The following FBXO38 variants were observed in gnomAD, a reference collection of about 807,000 sequenced individuals.
FBXO38 encodes F-box only protein 38.
FBXO38 carries 53 observed loss-of-function variants against 131.9 expected under a neutral mutation model. The observed-to-expected ratio is 0.40, with a 90% confidence interval of 0.32 to 0.51. The LOEUF is 0.51. Among genes scored for constraint, FBXO38 ranks in the 20% least tolerant of loss-of-function variants. FBXO38 has a pLI of 0.53. For missense variants in FBXO38, 1,076 were observed against 1,475.6 expected (o/e 0.73, Z 4.44); for synonymous variants, 452 against 505.6 (o/e 0.89, Z 1.42).
At chr5:148,440,338 C>A in intron 19 of FBXO38, 86 bp from the exon 20 acceptor site, 2 of 799,428 alleles carry the variant, frequency 2.5e-6, no homozygotes, top group Non-Finnish European at 4.3e-6. Context: ...AATCTGTGTC[C>A]GAAACAGTTT....
Position 148,442,185 on chromosome 5 carries a change from C to A in FBXO38, c.*38C>A, listed in dbSNP as rs775024685. On this transcript the variant is annotated 3_prime_UTR_variant, in exon 22 of 22. Coordinates refer to ENST00000340253, the MANE Select transcript of FBXO38 (RefSeq NM_205836.3). ...CCTTTCCAGCTATTTTGTCAGAAAG[C>A]AAGTAGGGCCATCCAGCTGCCAGAG... 1.3e-6 allele frequency: 2 copies of A among 1,590,526 alleles called. No homozygotes were observed. The highest frequency in any genetic ancestry group is 1.7e-6 in the Non-Finnish European group (2 of 1,163,278).
intron 11 of FBXO38, among the ~76,000 whole-genome samples, chr5:148,416,458 A>G (rs1402625462): frequency 6.6e-6 from 1 of 152,114 alleles, no homozygotes; most frequent in Admixed American, 6.6e-5. Context: ...AGAATTAAGG[A>G]TTTATTTGGG....
intron 2 of FBXO38, among the ~76,000 whole-genome samples, chr5:148,398,470 T>C (rs1024198668): frequency 1.3e-5 from 2 of 151,100 alleles, no homozygotes; most frequent in East Asian, 3.9e-4. Flanking sequence ...GAAAAGAAAT[T>C]GTGTACTATA....
chr5:148,427,938 T>C lies in FBXO38; in HGVS notation c.2644T>C (p.Ser882Pro), dbSNP rs764524362. The change falls in exon 15 of 22, where the codon TCT becomes CCT. Residue 882 changes from serine (S) to proline (P), a missense_variant. By Grantham distance (74) the Ser-to-Pro change is moderately conservative. This residue lies in a region of FBXO38 where 282 missense variants were observed against 418.8 expected (regional missense o/e 0.67). Transcript: ENST00000340253. ...CAGACTGTCCCATGTACTGCTGGTA[T>C]CTGAGTCAGGTATGACAATGCTCCT... ...RSRLSHVLLV[S>P]ESEVAKTKPR... The C allele has an allele frequency of 4.0e-6, 6 of 1,512,012 alleles. No homozygotes were observed. Among genetic ancestry groups the C allele is most frequent in the African/African-American group, 2.8e-5 (2 of 71,616 alleles). The allele number at this position is 1,512,012 out of a possible 1,614,324, so 93.7% of individuals were successfully genotyped here. A position where few individuals can be genotyped will look rare whatever the true frequency, so the allele number is the denominator to read the frequency against.
chr5:148,407,425 C>A (rs1193056044), intron 7 of FBXO38, among the ~76,000 whole-genome samples: 1 of 152,040 alleles, frequency 6.6e-6, no homozygotes, highest in African/African-American at 2.4e-5. Flanking sequence ...AAAATTTATT[C>A]TAGATGGGTC....
intron 12 of FBXO38, among the ~76,000 whole-genome samples, chr5:148,422,933 A>G (rs1352345629): frequency 6.6e-6 from 1 of 151,560 alleles, no homozygotes; most frequent in Admixed American, 6.6e-5. Flanking sequence ...TCGCATCTCT[A>G]TCACAACACA....
intron 12 of FBXO38, among the ~76,000 whole-genome samples, chr5:148,423,291 A>G (rs887098065): frequency 3.9e-5 from 6 of 152,172 alleles, no homozygotes; most frequent in African/African-American, 1.2e-4. Context: ...GTTAAATCCT[A>G]GCAAACTGTT....
In FBXO38 at chr5:148,427,627, G is replaced by A; in HGVS notation, c.2333G>A (p.Cys778Tyr). The change falls in exon 15 of 22, where the codon TGT becomes TAT. Residue 778 changes from cysteine (C) to tyrosine (Y), a missense_variant. Physicochemically the swap from Cys to Tyr is radical, Grantham distance 194. Around this residue, in one of 8 missense-constraint regions of FBXO38, gnomAD observed 213 missense variants for 225.2 expected, o/e 0.95. Transcript: ENST00000340253. ...AESSVCPRCCCHRPQESQRRT... is the reference protein window; with the variant it reads ...AESSVCPRCCYHRPQESQRRT... Reference sequence around the variant, plus strand: ...AGTTCTGTCTGCCCCAGATGCTGCTGTCACAGGCCCCAGGAATCCCAAAGG... The same window carrying A: ...AGTTCTGTCTGCCCCAGATGCTGCTATCACAGGCCCCAGGAATCCCAAAGG... The A allele has an allele frequency of 6.2e-7, 1 of 1,614,202 alleles. No homozygotes were observed. Among genetic ancestry groups the A allele is most frequent in the Non-Finnish European group, 8.5e-7 (1 of 1,180,028 alleles).
chr5:148,434,277 C>A (rs1403168171), intron 17 of FBXO38: 2 of 152,112 alleles, frequency 1.3e-5, no homozygotes, highest in African/African-American at 2.4e-5. Context: ...AAATATATAT[C>A]TTTCCAGTGC....
At chr5:148,419,954 C>T (rs1182406690) in intron 12 of FBXO38, among the ~76,000 whole-genome samples, 1 of 151,910 alleles carries the variant, frequency 6.6e-6, no homozygotes, top group Non-Finnish European at 1.5e-5. Flanking sequence ...TTCACAGTTA[C>T]TATATTTATC....
intron 7 of FBXO38, among the ~76,000 whole-genome samples, chr5:148,408,516 A>G (rs1213678574): frequency 6.6e-6 from 1 of 152,270 alleles, no homozygotes; most frequent in East Asian, 1.9e-4. Context: ...ATATTCATAT[A>G]GCAAAATACT....
At chr5:148,434,829 C>G (rs919293648) in intron 17 of FBXO38, 1 of 152,072 alleles carries the variant, frequency 6.6e-6, no homozygotes, top group African/African-American at 2.4e-5. Context: ...CGGTGGCTCA[C>G]GCCTGTAATC....
intron 12 of FBXO38, among the ~76,000 whole-genome samples, chr5:148,419,059 C>A (rs1446971079): frequency 6.6e-6 from 1 of 152,186 alleles, no homozygotes; most frequent in Non-Finnish European, 1.5e-5. Context: ...AAGGATTCAG[C>A]TTCAGCAGTT....
chr5:148,430,736 C>T (rs1334042519), intron 15 of FBXO38: 1 of 152,028 alleles, frequency 6.6e-6, no homozygotes, highest in African/African-American at 2.4e-5. Flanking sequence ...AAAAATGTAA[C>T]GTTTGAGTTC....
chr5:148,408,480 A>G (rs558067221), intron 7 of FBXO38, among the ~76,000 whole-genome samples: 117 of 152,386 alleles, frequency 7.7e-4, no homozygotes, highest in African/African-American at 2.7e-3. Flanking sequence ...GCCTATTGGC[A>G]ATAGAATGGA....
chr5:148,422,975 T>C (rs1017039661), intron 12 of FBXO38, among the ~76,000 whole-genome samples: 8 of 152,280 alleles, frequency 5.3e-5, no homozygotes, highest in African/African-American at 1.9e-4. Context: ...TTTGTTTGTT[T>C]GTTTGTTTGT....
chr5:148,416,255 G>A (rs1753047715), intron 11 of FBXO38, among the ~76,000 whole-genome samples, 185 bp downstream of exon 11: 1 of 151,496 alleles, frequency 6.6e-6, no homozygotes, highest in Non-Finnish European at 1.5e-5. Flanking sequence ...TCTTCTAAAT[G>A]AGAATTAAGG....
intron 1 of FBXO38, chr5:148,384,777 A>G (rs1757823663): frequency 6.6e-6 from 1 of 152,284 alleles, no homozygotes; most frequent in Non-Finnish European, 1.5e-5. Flanking sequence ...GCCAAGGGCA[A>G]CTGGTCACTT....
intron 8 of FBXO38, among the ~76,000 whole-genome samples, chr5:148,409,814 T>C (rs923212775): frequency 7.2e-5 from 11 of 152,238 alleles, no homozygotes; most frequent in Admixed American, 7.2e-4. Flanking sequence ...TCAAGAGACT[T>C]GATTAGGATT....
Sources: allele counts gnomAD v4.1 joint callset (sites outside exome capture counted in the v4.1 genomes callset), GRCh38; gene constraint gnomAD v4.1.1; regional missense constraint gnomAD v4.1.1; transcripts MANE v1.5; gene names NCBI Gene and HGNC (gene_info 2026-07-23, HGNC 2026-07-21).